Variants in SHISA9 observed in about 807,000 individuals in gnomAD.
SHISA9 encodes protein shisa-9.
A neutral mutation model predicts 38.0 loss-of-function variants in SHISA9; 13 were observed. The observed-to-expected ratio is 0.34, with a 90% CI of 0.22 to 0.54. SHISA9 has a LOEUF of 0.54. SHISA9 is among the 20% of genes least tolerant of loss of function. The pLI is 0.91. For missense variants in SHISA9, 538 were observed against 575.8 expected, an observed-to-expected ratio of 0.93 and a Z score of 0.67; for synonymous variants, 275 against 242.0, an observed-to-expected ratio of 1.14 and a Z score of -1.27.
intron 2 of SHISA9, among the ~76,000 whole-genome samples, chr16:13,140,217 C>T (rs1353321969): frequency 1.4e-5 from 2 of 145,258 alleles, no homozygotes; most frequent in African/African-American, 5.1e-5. Context: ...TGCTCTGTTA[C>T]CCAGGCTGGA....
chr16:13,554,819 G>T, the SHISA9 span, among the ~76,000 whole-genome samples: 3 of 152,100 alleles, frequency 2.0e-5, no homozygotes, highest in Admixed American at 6.5e-5. Context: ...GAAGATGTGG[G>T]AAATACAAAG....
At chr16:12,902,657 G>C in intron 1 of SHISA9, 30 bp downstream of exon 1, 2 of 1,511,714 alleles carry the variant, frequency 1.3e-6, no homozygotes, top group Non-Finnish European at 1.8e-6. Context: ...CCCTCCCCTC[G>C]GGGCTTCGCT....
At chr16:13,074,428 C>T (rs2073556872) in intron 2 of SHISA9, among the ~76,000 whole-genome samples, 1 of 152,036 alleles carries the variant, frequency 6.6e-6, no homozygotes. Context: ...AAGGATCAGC[C>T]CAAGGATGAA....
At chr16:13,356,704 G>A in the SHISA9 span, among the ~76,000 whole-genome samples, 1 of 152,120 alleles carries the variant, frequency 6.6e-6, no homozygotes, top group Non-Finnish European at 1.5e-5. Context: ...TTGGTTCTGA[G>A]GGGACAGGTG....
At chr16:13,371,750 G>A in the SHISA9 span, among the ~76,000 whole-genome samples, 12 of 152,320 alleles carry the variant, frequency 7.9e-5, no homozygotes, top group South Asian at 4.1e-4. Context: ...TGAGCTCAAC[G>A]GGGAGATGTA....
the SHISA9 span, among the ~76,000 whole-genome samples, chr16:13,448,934 A>C: frequency 1.3e-5 from 2 of 152,198 alleles, no homozygotes; most frequent in African/African-American, 4.8e-5. Context: ...AAGAATATGT[A>C]ATTTTTTAGC....
At chr16:13,111,819 G>T (rs1170053452) in intron 2 of SHISA9, among the ~76,000 whole-genome samples, 1 of 152,132 alleles carries the variant, frequency 6.6e-6, no homozygotes, top group Non-Finnish European at 1.5e-5. Context: ...TTTAAAGGAG[G>T]GTAGGAGACT....
chr16:13,533,420 G>T, the SHISA9 span, among the ~76,000 whole-genome samples: 1 of 152,146 alleles, frequency 6.6e-6, no homozygotes, highest in Non-Finnish European at 1.5e-5. Flanking sequence ...CTGCTGAAAA[G>T]TTCTGCTGTT....
intron 2 of SHISA9, among the ~76,000 whole-genome samples, chr16:13,002,579 C>G (rs982766801): frequency 2.8e-5 from 4 of 143,754 alleles, no homozygotes; most frequent in Admixed American, 7.2e-5. Flanking sequence ...GTTGCCCAGG[C>G]TTCAGTGCAG....
chr16:13,084,328 A>C (rs1336311075), intron 2 of SHISA9, among the ~76,000 whole-genome samples: 1 of 152,188 alleles, frequency 6.6e-6, no homozygotes, highest in Non-Finnish European at 1.5e-5. Flanking sequence ...TGCTTTGTGG[A>C]AATATGTTCC....
chr16:13,209,184 T>C (rs770532936), intron 3 of SHISA9, among the ~76,000 whole-genome samples: 8 of 152,318 alleles, frequency 5.3e-5, no homozygotes, highest in Admixed American at 1.3e-4. Flanking sequence ...CAGCAAATAC[T>C]GCAGCATATT....
intron 2 of SHISA9, among the ~76,000 whole-genome samples, chr16:13,085,380 G>A (rs2073699449): frequency 6.6e-6 from 1 of 152,106 alleles, no homozygotes; most frequent in Non-Finnish European, 1.5e-5. Flanking sequence ...CATAGATATA[G>A]GTTCTAAAAC....
At chr16:12,925,552 T>C (rs943158161) in intron 2 of SHISA9, among the ~76,000 whole-genome samples, 1 of 152,040 alleles carries the variant, frequency 6.6e-6, no homozygotes, top group Non-Finnish European at 1.5e-5. Flanking sequence ...TTTCAAAAAT[T>C]GCTACTAATG....
chr16:13,534,320 G>A, the SHISA9 span, among the ~76,000 whole-genome samples: 1 of 151,496 alleles, frequency 6.6e-6, no homozygotes, highest in Non-Finnish European at 1.5e-5. Flanking sequence ...TACCTCCTGG[G>A]CTTAAGTGAT....
At chr16:13,033,046 T>A (rs1180737203) in intron 2 of SHISA9, among the ~76,000 whole-genome samples, 1 of 152,180 alleles carries the variant, frequency 6.6e-6, no homozygotes, top group Non-Finnish European at 1.5e-5. Context: ...GGTGACCAGA[T>A]GGTGGCCAGA....
At chr16:12,994,962 G>A (rs894621402) in intron 2 of SHISA9, among the ~76,000 whole-genome samples, 1 of 152,108 alleles carries the variant, frequency 6.6e-6, no homozygotes, top group Non-Finnish European at 1.5e-5. Context: ...TCACAAGAGA[G>A]TTCTGGGCTA....
intron 2 of SHISA9, among the ~76,000 whole-genome samples, chr16:13,164,682 G>A (rs891556715): frequency 6.6e-6 from 1 of 152,096 alleles, no homozygotes; most frequent in Admixed American, 6.5e-5. Flanking sequence ...ATTTCGATAT[G>A]TTACATTTTT....
At chr16:13,489,122 C>G in the SHISA9 span, among the ~76,000 whole-genome samples, 2 of 152,144 alleles carry the variant, frequency 1.3e-5, no homozygotes, top group South Asian at 4.1e-4. Context: ...TCTCAGCTCA[C>G]TACAACCTCC....
chr16:13,504,517 C>G, the SHISA9 span, among the ~76,000 whole-genome samples: 1 of 152,136 alleles, frequency 6.6e-6, no homozygotes, highest in East Asian at 1.9e-4. Context: ...AAAAAGAAAT[C>G]AAAATTAATT....
Sources: gnomAD v4.1 joint callset for allele counts (sites outside exome capture counted in the v4.1 genomes callset) on GRCh38, gnomAD v4.1.1 for gene constraint, MANE v1.5 for transcripts, NCBI Gene and HGNC (gene_info 2026-07-23, HGNC 2026-07-21) for gene names.